The following FBXL13 variants were observed in gnomAD, a reference collection of about 807,000 sequenced individuals.
The protein encoded by FBXL13 is F-box and leucine-rich repeat protein 13.
FBXL13 carries 67 observed loss-of-function variants against 83.6 expected under a neutral mutation model. The ratio of observed to expected loss-of-function variants is 0.80; its 90% confidence interval spans 0.66 to 0.98. The LOEUF (loss-of-function observed/expected upper bound fraction) is 0.98, where lower values mean the gene tolerates loss of function less well. FBXL13 is among the 50% of genes least tolerant of loss of function. The pLI, the probability that FBXL13 is intolerant of heterozygous loss-of-function variation, is 0.00. For missense variants in FBXL13, 822 were observed against 866.5 expected (o/e 0.95, Z 0.64); for synonymous variants, 272 against 299.5 (o/e 0.91, Z 0.95).
chr7:103,025,620 G>A (rs1793811944), intron 5 of FBXL13, among the ~76,000 whole-genome samples: 1 of 152,102 alleles, frequency 6.6e-6, no homozygotes, highest in Non-Finnish European at 1.5e-5. Flanking sequence ...ATGCATTTGG[G>A]AAATTGCCAA....
intron 2 of FBXL13, among the ~76,000 whole-genome samples, chr7:103,035,354 C>T (rs1794969165): frequency 6.6e-6 from 1 of 152,204 alleles, no homozygotes; most frequent in African/African-American, 2.4e-5. Context: ...AGGAAACTGA[C>T]CTCTTGTGTT....
intron 16 of FBXL13, among the ~76,000 whole-genome samples, chr7:102,855,336 G>C (rs1298119060): frequency 6.6e-6 from 1 of 152,000 alleles, no homozygotes; most frequent in Non-Finnish European, 1.5e-5. Flanking sequence ...TTTATATAAA[G>C]GCCTAGAGAC....
At chr7:102,821,986 T>C in intron 19 of FBXL13, 54 bp downstream of exon 20, 2 of 1,562,978 alleles carry the variant, frequency 1.3e-6, no homozygotes, top group Non-Finnish European at 1.8e-6. Flanking sequence ...CCATATACTA[T>C]GTTTTCTCAG....
At chr7:102,856,310 T>TC (rs1270531707) in intron 16 of FBXL13, among the ~76,000 whole-genome samples, 1 of 152,170 alleles carries the variant, frequency 6.6e-6, no homozygotes, top group East Asian at 1.9e-4. Context: ...GTTTAGATAT[T>TC]CCCCAATAGA....
At chr7:102,931,799 A>G (rs745551995) in intron 9 of FBXL13, 82 bp downstream of exon 10, 8 of 1,291,066 alleles carry the variant, frequency 6.2e-6, no homozygotes, top group Admixed American at 4.2e-5. Flanking sequence ...ATAAGCACAC[A>G]AGCATCTATT....
chr7:102,829,716 G>C (rs1800321295), intron 18 of FBXL13, among the ~76,000 whole-genome samples: 1 of 152,154 alleles, frequency 6.6e-6, no homozygotes, highest in Non-Finnish European at 1.5e-5. Flanking sequence ...TTCGAGGTGA[G>C]GTGGTTGCAA....
At chr7:102,872,181 T>C (rs1018783411) in intron 16 of FBXL13, among the ~76,000 whole-genome samples, 2 of 152,200 alleles carry the variant, frequency 1.3e-5, no homozygotes, top group Non-Finnish European at 2.9e-5. Flanking sequence ...TAAGAGATCC[T>C]TTCCTCTCCT....
chr7:102,957,526 T>G (rs765395554), intron 8 of FBXL13, among the ~76,000 whole-genome samples: 40 of 152,198 alleles, frequency 2.6e-4, no homozygotes, highest in Non-Finnish European at 4.6e-4. Flanking sequence ...AAAGCCAAAA[T>G]TGACAAATGG....
chr7:102,999,077 T>C (rs1230858791), intron 6 of FBXL13, among the ~76,000 whole-genome samples: 1 of 152,116 alleles, frequency 6.6e-6, no homozygotes, highest in East Asian at 1.9e-4. Context: ...GTCTTTATTT[T>C]TTGAGGTTTG....
chr7:103,074,787 G>C (rs893189315), upstream of FBXL13: 1 of 1,288,006 alleles, frequency 7.8e-7, no homozygotes, highest in Non-Finnish European at 1.0e-6. Flanking sequence ...AGGCCTGACG[G>C]AGAAGCTGCG....
rs557125180 is a variant in FBXL13, at chr7:102,911,499, CA to C, written c.1008+1586del. 4.7e-3 allele frequency among the ~76,000 whole-genome samples: 708 copies of C among 152,178 alleles called. 7 individuals carry two copies. Among genetic ancestry groups the C allele is most frequent in the African/African-American group, 0.016 (678 of 41,486 alleles). On this transcript the variant is annotated intron_variant, in intron 11 of 19. Coordinates refer to ENST00000313221, the Ensembl canonical transcript of FBXL13. ...TTTTTCTCTGTGATTGGGCCATTGG[CA>C]TTTGCTAATTGGTGCCCATCAAAGT...
intron 8 of FBXL13, among the ~76,000 whole-genome samples, chr7:102,941,039 C>T (rs749612290): frequency 2.0e-5 from 3 of 152,132 alleles, no homozygotes; most frequent in Non-Finnish European, 4.4e-5. Flanking sequence ...TCTGGAGCCA[C>T]AAGGGCATAT....
At chr7:102,883,666 G>C in exon 13 of FBXL13, 2 of 1,607,318 alleles carry the variant, frequency 1.2e-6, no homozygotes, top group Non-Finnish European at 8.5e-7. Flanking sequence ...TGTAATACGA[G>C]AGCATTTTTC....
intron 16 of FBXL13, chr7:102,874,336 C>G: frequency 3.0e-6 from 3 of 985,394 alleles, no homozygotes; most frequent in South Asian, 4.7e-5. Flanking sequence ...GCTTCCTCAG[C>G]TGTTGTAGCA....
At chr7:102,912,177 C>T (rs1814810487) in intron 11 of FBXL13, among the ~76,000 whole-genome samples, 1 of 151,356 alleles carries the variant, frequency 6.6e-6, no homozygotes, top group Admixed American at 6.6e-5. Flanking sequence ...TTGGTCTCTT[C>T]ATTTGTAAAT....
chr7:102,877,560 A>G, exon 16 of FBXL13: 1 of 1,610,546 alleles, frequency 6.2e-7, no homozygotes, highest in Non-Finnish European at 8.5e-7. Context: ...AATGTTCACA[A>G]TTTCGTAAAC....
At chr7:102,875,623 C>T (rs1010750580) in intron 16 of FBXL13, among the ~76,000 whole-genome samples, 3 of 152,010 alleles carry the variant, frequency 2.0e-5, no homozygotes, top group Admixed American at 6.6e-5. Context: ...TAAGAGTCAA[C>T]GGGAAAAGCA....
intron 6 of FBXL13, among the ~76,000 whole-genome samples, chr7:103,022,001 A>T (rs895315813): frequency 6.6e-6 from 1 of 152,226 alleles, no homozygotes; most frequent in Admixed American, 6.5e-5. Flanking sequence ...AAGGATTATA[A>T]ATCATGCTGC....
chr7:102,823,987 A>T (rs1799197851), intron 18 of FBXL13, among the ~76,000 whole-genome samples: 1 of 152,228 alleles, frequency 6.6e-6, no homozygotes, highest in South Asian at 2.1e-4. Flanking sequence ...TGTAGAAGAA[A>T]GGAAGGACAA....
Sources: allele counts gnomAD v4.1 joint callset (sites outside exome capture counted in the v4.1 genomes callset), GRCh38; gene constraint gnomAD v4.1.1; transcripts MANE v1.5; gene names NCBI Gene and HGNC (gene_info 2026-07-23, HGNC 2026-07-21).